The following ACACA variants were observed in gnomAD, a reference collection of about 807,000 sequenced individuals.
ACACA encodes acetyl-CoA carboxylase 1.
In ACACA, 103 loss-of-function variants were observed where a neutral mutation model predicts 296.1. That is an observed-to-expected ratio of 0.35 (90% CI 0.30 to 0.41). The LOEUF (loss-of-function observed/expected upper bound fraction) is 0.41. Among genes scored for constraint, ACACA ranks in the 10% least tolerant of loss-of-function variants. The pLI is 1.00. For missense variants in ACACA, 1,554 were observed against 2,989.7 expected (o/e 0.52, Z 11.20); for synonymous variants, 953 against 1,038.6 (o/e 0.92, Z 1.58).
At position 37,234,830 on chromosome 17, in the gene ACACA, A is replaced by G. The variant is rs535599034; in HGVS notation, c.3246+145T>C. On this transcript the variant is annotated intron_variant, in intron 25 of 55. Coordinates refer to ENST00000616317, the MANE Select transcript of ACACA (RefSeq NM_198834.3). Reference sequence around the variant, plus strand: ...CCAAGGACAAAGGTAGATGTGAGAAACTGTTAATCCACAGCTCAAGCCCCA... The same window carrying G: ...CCAAGGACAAAGGTAGATGTGAGAAGCTGTTAATCCACAGCTCAAGCCCCA... The G allele has an allele frequency of 5.4e-6, 5 of 918,916 alleles. No homozygotes were observed. In the Admixed American group the frequency reaches 1.2e-4, roughly 22 times the overall value. The allele number at this position is 918,916 out of a possible 1,614,324, so 56.9% of individuals were successfully genotyped here.
intron 2 of ACACA, among the ~76,000 whole-genome samples, chr17:37,337,246 C>T (rs568697858): frequency 1.3e-5 from 2 of 151,666 alleles, no homozygotes; most frequent in East Asian, 1.9e-4. Flanking sequence ...GATCCCATCC[C>T]TAAAAAAAAA....
chr17:37,193,516 T>C (rs2077852423), intron 35 of ACACA, 101 bp from the exon 36 acceptor site: 2 of 875,614 alleles, frequency 2.3e-6, no homozygotes, highest in African/African-American at 1.7e-5. Flanking sequence ...GACAGTTTTC[T>C]AGAAAAACAT....
At chr17:37,160,261 C>T (rs140505367) in intron 42 of ACACA, among the ~76,000 whole-genome samples, 1 of 152,182 alleles carries the variant, frequency 6.6e-6, no homozygotes, top group Non-Finnish European at 1.5e-5. Context: ...AAGTGTTGAT[C>T]GTACACTTAA....
At chr17:37,374,152 A>T (rs374535110) in intron 1 of ACACA, among the ~76,000 whole-genome samples, 1 of 152,264 alleles carries the variant, frequency 6.6e-6, no homozygotes. Flanking sequence ...GGAGCTCAGG[A>T]GTTTGAGACC....
chr17:37,405,357 G>GT (rs2051440266), intron 1 of ACACA, among the ~76,000 whole-genome samples: 1 of 152,150 alleles, frequency 6.6e-6, no homozygotes, highest in Admixed American at 6.5e-5. Flanking sequence ...CAGAGACTTT[G>GT]TTTTGTTCAC....
chr17:37,310,540 T>G (rs1001706533), intron 3 of ACACA, among the ~76,000 whole-genome samples: 7 of 151,982 alleles, frequency 4.6e-5, no homozygotes, highest in African/African-American at 1.7e-4. Flanking sequence ...ACACCTGTAA[T>G]CCCAGCACTT....
chr17:37,170,802 C>G (rs2076855277), intron 41 of ACACA, among the ~76,000 whole-genome samples: 1 of 152,210 alleles, frequency 6.6e-6, no homozygotes, highest in Admixed American at 6.5e-5. Flanking sequence ...ATTAATTGTA[C>G]TATCAATGTG....
At chr17:37,226,913 T>G (rs975985849) in intron 25 of ACACA, among the ~76,000 whole-genome samples, 3 of 152,130 alleles carry the variant, frequency 2.0e-5, no homozygotes, top group Non-Finnish European at 4.4e-5. Flanking sequence ...AACCAAATTT[T>G]CAGCAACCCA....
At chr17:37,274,103 G>GTA (rs2082175823) in intron 9 of ACACA, 90 bp downstream of exon 9, 1 of 1,067,568 alleles carries the variant, frequency 9.4e-7, no homozygotes, top group Admixed American at 1.7e-5. Context: ...ACCACCTTGG[G>GTA]TATATATCAC....
chr17:37,142,324 C>A (rs896719712), intron 45 of ACACA, among the ~76,000 whole-genome samples: 2 of 152,202 alleles, frequency 1.3e-5, no homozygotes, highest in Admixed American at 6.5e-5. Flanking sequence ...GTCACTAAGG[C>A]AGACTAATAG....
intron 30 of ACACA, among the ~76,000 whole-genome samples, chr17:37,210,249 G>A (rs1295998133): frequency 2.0e-5 from 3 of 152,136 alleles, no homozygotes; most frequent in African/African-American, 7.2e-5. Context: ...TCTCCATACT[G>A]AGGCTTTTCA....
At chr17:37,405,077 C>T (rs2051425635) in intron 1 of ACACA, among the ~76,000 whole-genome samples, 1 of 152,186 alleles carries the variant, frequency 6.6e-6, no homozygotes, top group Non-Finnish European at 1.5e-5. Context: ...TTCAGGGTCA[C>T]TGCACTTGCT....
At chr17:37,222,041 T>C (rs1319888713) in intron 28 of ACACA, 199 bp from the exon 29 acceptor site, 1 of 600,744 alleles carries the variant, frequency 1.7e-6, no homozygotes. Flanking sequence ...TGACTACTAA[T>C]GAAAACAAAA....
At chr17:37,212,062 A>T (rs1390195966) in intron 29 of ACACA, among the ~76,000 whole-genome samples, 1 of 152,202 alleles carries the variant, frequency 6.6e-6, no homozygotes, top group Non-Finnish European at 1.5e-5. Context: ...GATATAAAGG[A>T]TGCTAAAGAA....
chr17:37,161,200 C>T (rs751784356), intron 42 of ACACA, among the ~76,000 whole-genome samples: 1 of 152,156 alleles, frequency 6.6e-6, no homozygotes, highest in Non-Finnish European at 1.5e-5. Context: ...GGGTATGGCA[C>T]AGTCTGATGA....
chr17:37,223,537 T>C lies in ACACA; in HGVS notation c.3539A>G (p.Gln1180Arg), dbSNP rs988767759. The C allele has an allele frequency of 2.5e-6, 4 of 1,611,162 alleles. No individual in the cohort carries two copies. Among genetic ancestry groups the C allele is most frequent in the Non-Finnish European group, 3.4e-6 (4 of 1,177,298 alleles). ...VLPNFFYHSNQVVRMAALEVY... is the reference protein window; with the variant it reads ...VLPNFFYHSNRVVRMAALEVY... The stretch of plus-strand genomic sequence containing the variant: ...CTCCAGAGCTGCCATCCTCACTACT[T>C]GGTTGCTGTGATAGAAGAAGTTTGG... Residue 1180 changes from glutamine to arginine, a missense_variant, in exon 28 of 56, where the codon CAA becomes CGA. Gln to Arg is a conservative substitution (Grantham distance 43). Transcript: ENST00000616317.
intron 37 of ACACA, among the ~76,000 whole-genome samples, 183 bp from the exon 38 acceptor site, chr17:37,191,458 TAA>T (rs1396510346): frequency 1.3e-5 from 2 of 152,150 alleles, no homozygotes; most frequent in African/African-American, 4.8e-5. Context: ...AAGGGCCAGA[TAA>T]AGAGTCCATG....
chr17:37,382,667 C>A (rs972111010), intron 1 of ACACA, among the ~76,000 whole-genome samples: 35 of 152,134 alleles, frequency 2.3e-4, no homozygotes, highest in African/African-American at 8.5e-4. Flanking sequence ...CAGGACCATC[C>A]TGGCCAACAT....
chr17:37,181,421 G>A (rs1038224770), intron 39 of ACACA, 65 bp from the exon 40 acceptor site: 7 of 1,582,700 alleles, frequency 4.4e-6, no homozygotes, highest in Non-Finnish European at 6.1e-6. Flanking sequence ...CTGCCTAGAG[G>A]GGCTTTTTTT....
Sources: allele counts gnomAD v4.1 joint callset (sites outside exome capture counted in the v4.1 genomes callset), GRCh38; gene constraint gnomAD v4.1.1; transcripts MANE v1.5; gene names NCBI Gene and HGNC (gene_info 2026-07-23, HGNC 2026-07-21).